UNC5D: variants seen among roughly 807,000 people sequenced by gnomAD.
The protein encoded by UNC5D is netrin receptor UNC5D.
A neutral mutation model predicts 105.4 loss-of-function variants in UNC5D; 39 were observed. That is an observed-to-expected ratio of 0.37 (90% CI 0.29 to 0.48). The LOEUF is 0.48. Among genes scored for constraint, UNC5D ranks in the 20% least tolerant of loss-of-function variants. The pLI is 0.98. For missense variants in UNC5D, 991 were observed against 1,202.4 expected (o/e 0.82, Z 2.60); for synonymous variants, 452 against 450.4 (o/e 1.00, Z -0.04).
chr8:35,551,480 T>G (rs1816134734), intron 2 of UNC5D, among the ~76,000 whole-genome samples: 1 of 152,092 alleles, frequency 6.6e-6, no homozygotes, highest in South Asian at 2.1e-4. Flanking sequence ...CCTAGAGATA[T>G]ACCTCTTCAG....
At chr8:35,722,911 A>G (rs1254543795) in intron 9 of UNC5D, among the ~76,000 whole-genome samples, 2 of 152,216 alleles carry the variant, frequency 1.3e-5, no homozygotes, top group Non-Finnish European at 1.5e-5. Context: ...ATTCCAGCCG[A>G]AACGACTCTC....
In UNC5D at chr8:35,790,851, G is replaced by T; in HGVS notation, c.*288G>T. 1 of 445,534 alleles carries T rather than the reference G, an allele frequency of 2.2e-6. No individual in the cohort carries two copies. Among genetic ancestry groups the T allele is most frequent in the Admixed American group, 3.5e-5 (1 of 28,448 alleles). The allele number at this position is 445,534 out of a possible 1,614,324, so 27.6% of individuals were successfully genotyped here. ...GATAAAAGTGAGGGCAGAAGTAGCT[G>T]TGGGAAAAGATGAGCTATGATAATG... On this transcript the variant is annotated 3_prime_UTR_variant, in exon 17 of 17. Coordinates refer to ENST00000404895, the MANE Select transcript of UNC5D (RefSeq NM_080872.4).
intron 8 of UNC5D, among the ~76,000 whole-genome samples, chr8:35,706,352 T>A (rs1827576233): frequency 6.6e-6 from 1 of 152,194 alleles, no homozygotes; most frequent in Non-Finnish European, 1.5e-5. Flanking sequence ...TTACCTCCTG[T>A]GGAATCCATG....
At chr8:35,297,116 G>A (rs961073326) in intron 1 of UNC5D, among the ~76,000 whole-genome samples, 3 of 152,084 alleles carry the variant, frequency 2.0e-5, no homozygotes, top group African/African-American at 7.2e-5. Flanking sequence ...GTACCACAGG[G>A]TTCACCTCAG....
chr8:35,248,922 A>AT (rs1563248476), intron 1 of UNC5D, among the ~76,000 whole-genome samples: 2 of 93,594 alleles, frequency 2.1e-5, no homozygotes, highest in African/African-American at 9.4e-5. Context: ...ATAAACATAT[A>AT]TAATATAAAT....
At position 35,795,726 on chromosome 8, in the gene UNC5D, T is replaced by G. The variant is rs190801748; in HGVS notation, c.*5163T>G. On this transcript the variant is annotated 3_prime_UTR_variant, in exon 17 of 17. Coordinates refer to ENST00000404895, the MANE Select transcript of UNC5D (RefSeq NM_080872.4). Reference sequence around the variant, plus strand: ...GGCTAGATTATGTAGGTCACTACCATTCAAAACTTTTCTATACAAAGGTGG... The same window carrying G: ...GGCTAGATTATGTAGGTCACTACCAGTCAAAACTTTTCTATACAAAGGTGG... 15 of 152,310 alleles carry G rather than the reference T, an allele frequency of 9.8e-5. No homozygotes were observed. Among genetic ancestry groups the G allele is most frequent in the African/African-American group, 3.6e-4 (15 of 41,576 alleles). 9.4% of individuals were successfully genotyped at this position (152,310 alleles called of 1,614,324 possible).
At chr8:35,269,467 C>T (rs957616472) in intron 1 of UNC5D, among the ~76,000 whole-genome samples, 8 of 152,160 alleles carry the variant, frequency 5.3e-5, no homozygotes, top group African/African-American at 9.6e-5. Flanking sequence ...CTGCAGAATT[C>T]GCAGCTCCCA....
chr8:35,690,383 C>T (rs550957360), intron 7 of UNC5D, among the ~76,000 whole-genome samples: 153 of 152,188 alleles, frequency 1.0e-3, no homozygotes, highest in Middle Eastern at 3.4e-3. Context: ...AATCCCAACA[C>T]TTTGGGAGGC....
chr8:35,358,768 G>T (rs944065990), intron 1 of UNC5D, among the ~76,000 whole-genome samples: 3 of 151,956 alleles, frequency 2.0e-5, no homozygotes, highest in African/African-American at 7.3e-5. Context: ...AGACATTCTT[G>T]TATTTCTGAG....
intron 1 of UNC5D, among the ~76,000 whole-genome samples, chr8:35,257,405 T>A (rs1804160676): frequency 6.6e-6 from 1 of 152,160 alleles, no homozygotes; most frequent in Admixed American, 6.5e-5. Flanking sequence ...GGGGCACTGG[T>A]CTGCCAGCAG....
intron 7 of UNC5D, among the ~76,000 whole-genome samples, chr8:35,704,946 G>A (rs1450763330): frequency 1.3e-5 from 2 of 151,196 alleles, no homozygotes; most frequent in African/African-American, 2.4e-5. Flanking sequence ...GACTCCTGTG[G>A]CCATGCTGAA....
At chr8:35,637,115 T>G (rs1284490695) in intron 4 of UNC5D, among the ~76,000 whole-genome samples, 1 of 152,184 alleles carries the variant, frequency 6.6e-6, no homozygotes, top group Admixed American at 6.5e-5. Flanking sequence ...CAAGTAGAGG[T>G]GCAATCACCA....
At chr8:35,568,655 C>T (rs1468532122) in intron 3 of UNC5D, among the ~76,000 whole-genome samples, 1 of 152,240 alleles carries the variant, frequency 6.6e-6, no homozygotes, top group Non-Finnish European at 1.5e-5. Context: ...TGCCACTGCA[C>T]TCCCACCTGG....
chr8:35,486,236 G>T (rs767641803), intron 1 of UNC5D, among the ~76,000 whole-genome samples: 1 of 152,138 alleles, frequency 6.6e-6, no homozygotes, highest in East Asian at 1.9e-4. Context: ...AGGAAAGCAC[G>T]TTCTAATTCC....
In UNC5D at chr8:35,273,421, C is replaced by A. The variant is rs190143822; in HGVS notation, c.103+37534C>A. Reference sequence around the variant, plus strand: ...TAATTTAAGTACTGAAGGTCCTTGCCCCAACTTTTCATTTTGAACTGCCAC... The same window carrying A: ...TAATTTAAGTACTGAAGGTCCTTGCACCAACTTTTCATTTTGAACTGCCAC... On this transcript the variant is annotated intron_variant, in intron 1 of 16. Transcript: ENST00000404895. Among the ~76,000 whole-genome samples the A allele has an allele frequency of 1.4e-4, 21 of 152,134 alleles. No homozygotes were observed. In the East Asian group the frequency reaches 3.9e-3, roughly 28 times the overall value.
At chr8:35,395,200 T>C (rs144499223) in intron 1 of UNC5D, among the ~76,000 whole-genome samples, 1 of 152,338 alleles carries the variant, frequency 6.6e-6, no homozygotes, top group East Asian at 1.9e-4. Flanking sequence ...TATTTTCCAA[T>C]GTTCACATCT....
Position 35,656,117 on chromosome 8 carries a change from A to G in UNC5D, c.571-27430A>G, listed in dbSNP as rs867389115. On this transcript the variant is annotated intron_variant, in intron 4 of 16. Transcript: ENST00000404895. ...TTGGGAGAGATAGGATCTGTCTCAC[A>G]TCCACTCCTGAGTTATCTGCCTCTC... is the stretch of plus-strand genomic sequence containing the variant. Among the ~76,000 whole-genome samples, 240 of 152,252 alleles carry G rather than the reference A, an allele frequency of 1.6e-3. 3 individuals carry two copies. Among genetic ancestry groups the G allele is most frequent in the African/African-American group, 5.5e-3 (228 of 41,546 alleles).
intron 1 of UNC5D, among the ~76,000 whole-genome samples, chr8:35,306,871 A>T (rs1366920076): frequency 6.6e-6 from 1 of 152,298 alleles, no homozygotes; most frequent in Non-Finnish European, 1.5e-5. Flanking sequence ...TCATTGATAG[A>T]TCAGATTCAT....
At chr8:35,498,563 T>G (rs1811764422) in intron 1 of UNC5D, among the ~76,000 whole-genome samples, 1 of 152,094 alleles carries the variant, frequency 6.6e-6, no homozygotes, top group Admixed American at 6.6e-5. Flanking sequence ...AACAGGAAAC[T>G]GGATGCTCCT....
Sources: allele counts gnomAD v4.1 joint callset (sites outside exome capture counted in the v4.1 genomes callset), GRCh38; gene constraint gnomAD v4.1.1; transcripts MANE v1.5; gene names NCBI Gene and HGNC (gene_info 2026-07-23, HGNC 2026-07-21).